The following SPOP variants were observed in gnomAD, a reference collection of about 807,000 sequenced individuals.
SPOP encodes speckle type BTB/POZ protein, also known as speckle-type POZ protein.
In SPOP, 11 loss-of-function variants were observed where a neutral mutation model predicts 45.6. That is an observed-to-expected ratio of 0.24 (90% CI 0.15 to 0.40). The LOEUF is 0.40. Among genes scored for constraint, SPOP ranks in the 10% least tolerant of loss-of-function variants. SPOP has a pLI of 1.00. For missense variants in SPOP, 152 were observed against 465.6 expected, an observed-to-expected ratio of 0.33 and a Z score of 6.20; for synonymous variants, 166 against 166.3, an observed-to-expected ratio of 1.00 and a Z score of 0.01.
intron 1 of SPOP, among the ~76,000 whole-genome samples, chr17:49,654,298 G>A (rs753830387): frequency 3.3e-5 from 5 of 152,108 alleles, no homozygotes; most frequent in Non-Finnish European, 5.9e-5. Context: ...TATCTATGTT[G>A]CCCAGGCTGT....
At chr17:49,625,724 T>A (rs1040288118) in intron 1 of SPOP, among the ~76,000 whole-genome samples, 2 of 152,144 alleles carry the variant, frequency 1.3e-5, no homozygotes, top group Admixed American at 6.5e-5. Context: ...TTATGCAAAT[T>A]TAAGGTTTAT....
chr17:49,668,576 G>A (rs958785034), intron 1 of SPOP, among the ~76,000 whole-genome samples: 2 of 152,026 alleles, frequency 1.3e-5, no homozygotes, highest in Non-Finnish European at 2.9e-5. Context: ...CTAAGGCTTT[G>A]CTATTTCAGT....
At chr17:49,608,077 C>T (rs966520108) in intron 6 of SPOP, 148 bp from the exon 7 acceptor site, 61 of 519,508 alleles carry the variant, frequency 1.2e-4, no homozygotes, top group Non-Finnish European at 1.4e-4. Flanking sequence ...TTACAAAATT[C>T]CTTTCTTCAT....
rs2071716482 is a variant in SPOP at position 49,600,299 on chromosome 17, C to T, written c.*79G>A. Reference sequence around the variant, plus strand: ...CAGAGTAAAAGCTCCACAGATTGCGCTGTCTACCTGGTGGTCAGTGGCAGC... The same window carrying T: ...CAGAGTAAAAGCTCCACAGATTGCGTTGTCTACCTGGTGGTCAGTGGCAGC... On this transcript the variant is annotated 3_prime_UTR_variant, in exon 10 of 10. Coordinates refer to ENST00000504102, the MANE Select transcript of SPOP (RefSeq NM_001007228.2). This position sits in a 1 kb window ranked among gnomAD's most constrained non-coding sequence, Gnocchi z 4.2. The T allele has an allele frequency of 1.3e-6, 2 of 1,582,692 alleles. No homozygotes were observed. The highest frequency in any genetic ancestry group is 1.7e-6 in the Non-Finnish European group (2 of 1,156,392).
chr17:49,663,540 A>G lies in SPOP; in HGVS notation c.-67+14393T>C, dbSNP rs147069107. On this transcript the variant is annotated intron_variant, in intron 1 of 9. Coordinates refer to ENST00000504102, the MANE Select transcript of SPOP (RefSeq NM_001007228.2). ...TTAAGAATGTTCTTGATGAAGCAAT[A>G]AAAATTATTAATTAAATCTAAACCC... Among the ~76,000 whole-genome samples the G allele has an allele frequency of 3.0e-4, 45 of 152,384 alleles. 1 individual carries two copies. In the East Asian group the frequency reaches 8.1e-3, roughly 27 times the overall value.
intron 1 of SPOP, among the ~76,000 whole-genome samples, chr17:49,669,378 T>G (rs1356229870): frequency 6.8e-6 from 1 of 147,738 alleles, no homozygotes; most frequent in African/African-American, 2.5e-5. Flanking sequence ...AAGATATTTT[T>G]ATAATTAAAA....
chr17:49,618,992 G>C lies in SPOP; in HGVS notation c.469C>G (p.Leu157Val), dbSNP rs2072152068. The C allele has an allele frequency of 6.2e-7, 1 of 1,613,816 alleles. No individual in the cohort carries two copies. Among genetic ancestry groups the C allele is most frequent in the South Asian group, 1.1e-5 (1 of 91,054 alleles). Residue 157 changes from leucine to valine, a missense_variant, in exon 5 of 10, where the codon CTC (leucine) becomes GTC (valine). By Grantham distance (32) the Leu-to-Val change is conservative. Around this residue, in one of 3 missense-constraint regions of SPOP, gnomAD observed 28 missense variants for 176.8 expected, o/e 0.16. Coordinates refer to ENST00000504102, the MANE Select transcript of SPOP (RefSeq NM_001007228.2). ...NGLLPDDKLT[L>V]FCEVSVVQDS... The stretch of plus-strand genomic sequence containing the variant: ...ATACAAGGACTCACCTCGCAGAAGA[G>C]GGTAAGCTTGTCATCAGGGAGAAGC...
At chr17:49,676,257 G>A (rs4455012) in intron 1 of SPOP, among the ~76,000 whole-genome samples, 41,924 of 151,984 alleles carry the variant, frequency 0.28, 6,502 homozygotes, top group Middle Eastern at 0.47. Flanking sequence ...GGGTGGGGTA[G>A]TCTTACAATA....
intron 1 of SPOP, among the ~76,000 whole-genome samples, chr17:49,659,059 C>T (rs569024339): frequency 6.6e-6 from 1 of 152,248 alleles, no homozygotes; most frequent in South Asian, 2.1e-4. Flanking sequence ...GAAAGAAGGG[C>T]AGTATAGCTT....
chr17:49,660,023 G>A (rs2072966046), intron 1 of SPOP, among the ~76,000 whole-genome samples: 2 of 152,040 alleles, frequency 1.3e-5, no homozygotes, highest in African/African-American at 2.4e-5. Context: ...CATCTCTTCT[G>A]CCACTAAGTC....
At chr17:49,671,937 G>A (rs1372732291) in intron 1 of SPOP, among the ~76,000 whole-genome samples, 8 of 152,074 alleles carry the variant, frequency 5.3e-5, no homozygotes, top group African/African-American at 1.7e-4. Context: ...TCAGGAGATC[G>A]AGACCATCCT....
chr17:49,634,975 A>G (rs2072516759), intron 1 of SPOP, among the ~76,000 whole-genome samples: 1 of 152,206 alleles, frequency 6.6e-6, no homozygotes, highest in Admixed American at 6.5e-5. Context: ...CAGTATTCCC[A>G]TGAGATACTT....
At chr17:49,627,479 T>G (rs756619407) in intron 1 of SPOP, among the ~76,000 whole-genome samples, 1 of 152,188 alleles carries the variant, frequency 6.6e-6, no homozygotes, top group Non-Finnish European at 1.5e-5. Context: ...AGGGTGGCAA[T>G]GAAGGTTTGA....
chr17:49,634,388 AAAG>A (rs1469363959), intron 1 of SPOP, among the ~76,000 whole-genome samples: 1 of 152,212 alleles, frequency 6.6e-6, no homozygotes. Flanking sequence ...TACTTATTCT[AAAG>A]AAGAGCTGAA....
At chr17:49,611,548 C>A in intron 5 of SPOP, 91 bp from the exon 6 acceptor site, 3 of 1,113,254 alleles carry the variant, frequency 2.7e-6, no homozygotes, top group Non-Finnish European at 4.0e-6. Context: ...TGCTGTAGTA[C>A]ATTCAGATAC....
chr17:49,660,582 C>G (rs992477547), intron 1 of SPOP, among the ~76,000 whole-genome samples: 4 of 152,176 alleles, frequency 2.6e-5, no homozygotes, highest in African/African-American at 9.7e-5. Flanking sequence ...GCATCTGGCA[C>G]ATAACTGGTA....
chr17:49,644,583 G>C (rs2072719337), intron 1 of SPOP, among the ~76,000 whole-genome samples: 1 of 152,034 alleles, frequency 6.6e-6, no homozygotes, highest in South Asian at 2.1e-4. Context: ...ATCCATCAAA[G>C]GGATTGTGGA....
intron 1 of SPOP, among the ~76,000 whole-genome samples, chr17:49,625,502 G>A (rs1467840662): frequency 6.6e-6 from 1 of 152,132 alleles, no homozygotes; most frequent in African/African-American, 2.4e-5. Flanking sequence ...CAGCTACTCC[G>A]GAGGCTGAGG....
At chr17:49,650,439 G>A (rs1455419309) in intron 1 of SPOP, among the ~76,000 whole-genome samples, 4 of 152,024 alleles carry the variant, frequency 2.6e-5, no homozygotes, top group Admixed American at 2.6e-4. Flanking sequence ...AATTAGCCGG[G>A]CATGATGGTG....
Sources: gnomAD v4.1 joint callset for allele counts (sites outside exome capture counted in the v4.1 genomes callset) on GRCh38, gnomAD v4.1.1 for gene constraint, gnomAD v4.1.1 regional missense constraint, Gnocchi (gnomAD v3.1) non-coding constraint, MANE v1.5 for transcripts, NCBI Gene and HGNC (gene_info 2026-07-23, HGNC 2026-07-21) for gene names.